FKBP3: variants seen among roughly 807,000 people sequenced by gnomAD.
FKBP3 encodes the protein FKBP prolyl isomerase 3, also known as peptidyl-prolyl cis-trans isomerase FKBP3.
FKBP3 carries 21 observed loss-of-function variants against 30.6 expected under a neutral mutation model. That is an observed-to-expected ratio of 0.69 (90% CI 0.49 to 0.99). The LOEUF is 0.99. Among genes scored for constraint, FKBP3 ranks in the 50% least tolerant of loss-of-function variants. The probability of loss-of-function intolerance (pLI) is 0.00; values close to 1 mark genes in which losing one functional copy is unlikely to be tolerated. For missense variants in FKBP3, 283 were observed against 261.6 expected (o/e 1.08, Z -0.56); for synonymous variants, 82 against 91.3 (o/e 0.90, Z 0.58).
intron 6 of FKBP3, among the ~76,000 whole-genome samples, chr14:45,116,980 C>A (rs527725774): frequency 1.9e-4 from 28 of 150,262 alleles, no homozygotes; most frequent in Non-Finnish European, 2.2e-4. Context: ...ATTTCCCCGC[C>A]CCCCCCACCG....
intron 5 of FKBP3, among the ~76,000 whole-genome samples, chr14:45,118,624 CCTT>C (rs914497812): frequency 6.6e-6 from 1 of 152,004 alleles, no homozygotes; most frequent in Admixed American, 6.6e-5. Context: ...GAGTGAGACT[CCTT>C]CTCAAACAAA....
intron 5 of FKBP3, 93 bp downstream of exon 5, chr14:45,120,794 T>G: frequency 9.9e-7 from 1 of 1,012,658 alleles, no homozygotes. Context: ...CTGTTTCCTT[T>G]GTATTATATC....
At chr14:45,122,091 T>C (rs1283881512) in intron 3 of FKBP3, among the ~76,000 whole-genome samples, 1 of 152,152 alleles carries the variant, frequency 6.6e-6, no homozygotes, top group Non-Finnish European at 1.5e-5. Context: ...CTGTCCCCGA[T>C]TTGGAAAATA....
intron 1 of FKBP3, chr14:45,133,330 G>C: frequency 3.3e-6 from 1 of 305,594 alleles, no homozygotes; most frequent in Non-Finnish European, 6.9e-6. Flanking sequence ...AACCTGGCGT[G>C]GTGGCACGCG....
rs1440356198 is a variant in FKBP3, at chr14:45,121,658, A to C, written c.319-38T>G. On this transcript the variant is annotated intron_variant, in intron 3 of 6. Transcript: ENST00000396062. The stretch of plus-strand genomic sequence containing the variant: ...AACAACACACACACACAGAGTTATT[A>C]ATTTGTGTCCTTTAAAAGAATGACA... 3.1e-6 allele frequency: 5 copies of C among 1,597,274 alleles called. No individual in the cohort carries two copies. The Admixed American group carries it at 8.6e-5, about 28-fold the overall frequency.
At chr14:45,124,304 G>A (rs1469143849) in intron 3 of FKBP3, among the ~76,000 whole-genome samples, 1 of 152,146 alleles carries the variant, frequency 6.6e-6, no homozygotes, top group African/African-American at 2.4e-5. Context: ...GCCCAGAAGG[G>A]TTGATCACCT....
chr14:45,129,028 C>T (rs924544843), intron 3 of FKBP3, among the ~76,000 whole-genome samples: 10 of 152,200 alleles, frequency 6.6e-5, no homozygotes, highest in African/African-American at 2.2e-4. Context: ...AGGAAAAGAT[C>T]ATGCAAAATT....
chr14:45,119,099 C>T (rs1021483683), intron 5 of FKBP3, among the ~76,000 whole-genome samples: 1 of 152,162 alleles, frequency 6.6e-6, no homozygotes, highest in African/African-American at 2.4e-5. Flanking sequence ...CAATAAAAGT[C>T]TTCTGGGTTG....
intron 1 of FKBP3, among the ~76,000 whole-genome samples, chr14:45,134,042 C>T (rs1214886742): frequency 6.6e-6 from 1 of 152,202 alleles, no homozygotes; most frequent in Admixed American, 6.5e-5. Flanking sequence ...CCGCCCTAGC[C>T]CCCAATATCC....
chr14:45,116,727 G>A (rs895280533), intron 6 of FKBP3, among the ~76,000 whole-genome samples: 2 of 151,696 alleles, frequency 1.3e-5, no homozygotes, highest in Admixed American at 6.6e-5. Flanking sequence ...GTAGTGGTGC[G>A]CACCTGTAGT....
At position 45,116,096 on chromosome 14, in the gene FKBP3, C is replaced by G; in HGVS notation, c.*102G>C. On this transcript the variant is annotated 3_prime_UTR_variant, in exon 7 of 7. Transcript: ENST00000396062. Reference sequence around the variant, plus strand: ...AACTCCTTGAATTTTCCAGTTGACTCTTCCTTTACAATAGTAACAAGTTCT... The same window carrying G: ...AACTCCTTGAATTTTCCAGTTGACTGTTCCTTTACAATAGTAACAAGTTCT... 1 of 813,418 alleles carries G rather than the reference C, an allele frequency of 1.2e-6. No homozygotes were observed. The allele number at this position is 813,418 out of a possible 1,614,324, so 50.4% of individuals were successfully genotyped here. A position where few individuals can be genotyped will look rare whatever the true frequency, so the allele number is the denominator to read the frequency against.
rs762376054 is a variant in FKBP3 at position 45,116,245 on chromosome 14, G to T, written c.628C>A (p.Pro210Thr). Residue 210 changes from proline (P) to threonine (T), a missense_variant, in exon 7 of 7, where the codon CCA (proline) becomes ACA (threonine). By Grantham distance (38) the Pro-to-Thr change is conservative. Coordinates refer to ENST00000396062, the MANE Select transcript of FKBP3 (RefSeq NM_002013.4). ...KKGQPDAKIPPNAKLTFEVEL... is the reference protein window; with the variant it reads ...KKGQPDAKIPTNAKLTFEVEL... ...ACTTCAAAAGTGAGTTTTGCATTTG[G>T]TGGAATTCTGTTGAAGAAGTCAAGG... 6.2e-7 allele frequency: 1 copy of T among 1,612,246 alleles called. No homozygotes were observed. The highest frequency in any genetic ancestry group is 1.1e-5 in the South Asian group (1 of 91,022).
rs1407470076 is a variant in FKBP3 at position 45,118,155 on chromosome 14, G to T, written c.523-30C>A. 1.0e-5 allele frequency: 15 copies of T among 1,458,210 alleles called. No individual in the cohort carries two copies. The African/African-American group carries it at 2.0e-4, about 20-fold the overall frequency. 90.3% of individuals were successfully genotyped at this position (1,458,210 alleles called of 1,614,324 possible). ...AGGCAAGAACAAAATAAAAACTAAT[G>T]GTATTTTGCAAAAAGCACATGCAAT... On this transcript the variant is annotated intron_variant, in intron 5 of 6. Coordinates refer to ENST00000396062, the MANE Select transcript of FKBP3 (RefSeq NM_002013.4).
At position 45,121,520 on chromosome 14, in the gene FKBP3, T is replaced by C. The variant is rs1884984338; in HGVS notation, c.419A>G (p.Gln140Arg). 1.2e-6 allele frequency: 2 copies of C among 1,613,482 alleles called. No individual in the cohort carries two copies. The highest frequency in any genetic ancestry group is 3.3e-5 in the Admixed American group (2 of 59,998). Reference protein sequence around the residue: ...VVHCWYTGTLQDGTVFDTNIQ... With the variant: ...VVHCWYTGTLRDGTVFDTNIQ... ...ATTAGTATCAAAAACAGTCCCATCT[T>C]GTAGTGTTCCTGTATACCAGCAGTG... Residue 140 changes from glutamine to arginine, a missense_variant, in exon 4 of 7, where the codon CAA becomes CGA. By Grantham distance (43) the Gln-to-Arg change is conservative. Transcript: ENST00000396062.
In FKBP3 at chr14:45,117,763, G is replaced by A. The variant is rs190700400; in HGVS notation, c.620+265C>T. On this transcript the variant is annotated intron_variant, in intron 6 of 6. Transcript: ENST00000396062. The stretch of plus-strand genomic sequence containing the variant: ...AAAAACATTAAGAATTGCTGTTTAA[G>A]CTTAAACTTCACAGTTAAGGTCTTG... Among the ~76,000 whole-genome samples the A allele has an allele frequency of 1.5e-3, 227 of 152,326 alleles. 5 individuals are homozygous for A. The highest frequency in any genetic ancestry group is 2.0e-3 in the Non-Finnish European group (133 of 68,024).
chr14:45,118,371 T>C (rs1270682733), intron 5 of FKBP3, among the ~76,000 whole-genome samples: 3 of 152,138 alleles, frequency 2.0e-5, no homozygotes, highest in African/African-American at 7.2e-5. Flanking sequence ...GGCTCATACC[T>C]ATAATCCCAG....
intron 1 of FKBP3, among the ~76,000 whole-genome samples, chr14:45,132,211 C>T (rs1210761902): frequency 6.6e-6 from 1 of 152,040 alleles, no homozygotes; most frequent in African/African-American, 2.4e-5. Flanking sequence ...TAAATAACAG[C>T]TGATGGGGAA....
chr14:45,126,706 C>T (rs1033730844), intron 3 of FKBP3, among the ~76,000 whole-genome samples: 2 of 152,102 alleles, frequency 1.3e-5, no homozygotes, highest in African/African-American at 2.4e-5. Context: ...TATGTCTATG[C>T]CAGGCAGTGG....
chr14:45,123,881 G>A (rs1012006382), intron 3 of FKBP3, among the ~76,000 whole-genome samples: 1 of 151,874 alleles, frequency 6.6e-6, no homozygotes, highest in Non-Finnish European at 1.5e-5. Flanking sequence ...GCCTCCCAAA[G>A]TGCTGGGATT....
Sources: allele counts gnomAD v4.1 joint callset (sites outside exome capture counted in the v4.1 genomes callset), GRCh38; gene constraint gnomAD v4.1.1; transcripts MANE v1.5; gene names NCBI Gene and HGNC (gene_info 2026-07-23, HGNC 2026-07-21).